CSNK1D: variants seen among roughly 807,000 people sequenced by gnomAD.
CSNK1D encodes the protein casein kinase 1 delta, also known as casein kinase I isoform delta.
A neutral mutation model predicts 46.6 loss-of-function variants in CSNK1D; 16 were observed. That is an observed-to-expected ratio of 0.34 (90% CI 0.23 to 0.52). The LOEUF (loss-of-function observed/expected upper bound fraction) is 0.52, where lower values mean the gene tolerates loss of function less well. Among genes scored for constraint, CSNK1D ranks in the 20% least tolerant of loss-of-function variants. CSNK1D has a pLI of 0.95. For missense variants in CSNK1D, 398 were observed against 578.4 expected (o/e 0.69, Z 3.20); for synonymous variants, 276 against 228.2 (o/e 1.21, Z -1.89).
intron 1 of CSNK1D, among the ~76,000 whole-genome samples, chr17:82,269,306 C>T (rs190083780): frequency 3.9e-5 from 6 of 152,224 alleles, no homozygotes; most frequent in Non-Finnish European, 7.4e-5. Flanking sequence ...AGCAGTACCA[C>T]GACTTCTCAT....
chr17:82,246,180 G>A (rs1599575442), intron 8 of CSNK1D: 1 of 1,538,672 alleles, frequency 6.5e-7, no homozygotes, highest in South Asian at 1.2e-5. Context: ...CCCAGGCACA[G>A]AGCACAGCCT....
At chr17:82,265,874 C>G in intron 1 of CSNK1D, 78 bp from the exon 2 acceptor site, 1 of 1,189,378 alleles carries the variant, frequency 8.4e-7, no homozygotes, top group Non-Finnish European at 1.3e-6. Flanking sequence ...AAACAACAAG[C>G]ACTATGTGTT....
chr17:82,240,058 C>A (rs868582083), downstream of CSNK1D: 1 of 1,233,822 alleles, frequency 8.1e-7, no homozygotes, highest in African/African-American at 1.5e-5. Context: ...CATGTCCCTG[C>A]TCCTCTGCAA....
chr17:82,258,348 A>G (rs558091371), intron 2 of CSNK1D, among the ~76,000 whole-genome samples: 28 of 150,932 alleles, frequency 1.9e-4, no homozygotes, highest in Non-Finnish European at 3.7e-4. Flanking sequence ...ATATATATAT[A>G]TTATATATAT....
In CSNK1D at chr17:82,248,115, C is replaced by T. The variant is rs2050897603; in HGVS notation, c.1197+760G>A. Reference sequence around the variant, plus strand: ...AAGACCCGTGGGGGATCTGGGCACCCCCCAGGATGCCTGCTGGTGAAACAG... The same window carrying T: ...AAGACCCGTGGGGGATCTGGGCACCTCCCAGGATGCCTGCTGGTGAAACAG... On this transcript the variant is annotated intron_variant, in intron 8 of 8. Coordinates refer to ENST00000314028, the MANE Select transcript of CSNK1D (RefSeq NM_001893.6). The surrounding 1 kb of genome is among the most constrained non-coding windows in gnomAD (Gnocchi z 4.1). 1 of 985,522 alleles carries T rather than the reference C, an allele frequency of 1.0e-6. No individual in the cohort carries two copies. Among genetic ancestry groups the T allele is most frequent in the Non-Finnish European group, 1.2e-6 (1 of 829,990 alleles). 61.0% of individuals were successfully genotyped at this position (985,522 alleles called of 1,614,324 possible). A position where few individuals can be genotyped will look rare whatever the true frequency, so the allele number is the denominator to read the frequency against.
At chr17:82,241,308 C>T (rs187129630), downstream of CSNK1D, among the ~76,000 whole-genome samples, 181 of 152,324 alleles carry the variant, frequency 1.2e-3, no homozygotes, top group African/African-American at 4.1e-3. Flanking sequence ...TGGCCCCGGA[C>T]GCTGCCGTCC....
chr17:82,258,558 A>C (rs2051244236), intron 2 of CSNK1D, among the ~76,000 whole-genome samples: 1 of 152,164 alleles, frequency 6.6e-6, no homozygotes, highest in Admixed American at 6.5e-5. Context: ...CTCTAGATGC[A>C]GCATTACGGA....
chr17:82,270,041 G>C (rs150624554), intron 1 of CSNK1D, among the ~76,000 whole-genome samples: 1 of 152,230 alleles, frequency 6.6e-6, no homozygotes, highest in African/African-American at 2.4e-5. Flanking sequence ...CAAGGTGTGC[G>C]CTCCACAGGT....
In CSNK1D at chr17:82,242,778, G is replaced by C. The variant is rs2050760311; in HGVS notation, c.*2003C>G. On this transcript the variant is annotated 3_prime_UTR_variant, in exon 9 of 9. Coordinates refer to ENST00000314028, the MANE Select transcript of CSNK1D (RefSeq NM_001893.6). ...CTGGCCGTCAGTGCACAGCTGACAC[G>C]ACGTCCTACCTACGTCTCCTGCACG... 52 of 985,458 alleles carry C rather than the reference G, an allele frequency of 5.3e-5. No homozygotes were observed. The highest frequency in any genetic ancestry group is 6.3e-5 in the Non-Finnish European group (52 of 829,948). The allele number at this position is 985,458 out of a possible 1,614,324, so 61.0% of individuals were successfully genotyped here. A position where few individuals can be genotyped will look rare whatever the true frequency, so the allele number is the denominator to read the frequency against.
At chr17:82,240,065 G>A (rs1012691613), downstream of CSNK1D, 20 of 1,233,648 alleles carry the variant, frequency 1.6e-5, no homozygotes, top group Non-Finnish European at 2.0e-5. Context: ...CTGCTCCTCT[G>A]CAATGAAAAG....
chr17:82,241,775 G>A (rs549347674), downstream of CSNK1D, among the ~76,000 whole-genome samples: 1 of 152,258 alleles, frequency 6.6e-6, no homozygotes, highest in African/African-American at 2.4e-5. Context: ...GAATGGCTGA[G>A]AGGAAGGGCC....
chr17:82,273,742 C>T, upstream of CSNK1D: 1 of 486,308 alleles, frequency 2.1e-6, no homozygotes, highest in Non-Finnish European at 3.6e-6. The surrounding 1 kb of genome is among the most constrained non-coding windows in gnomAD (Gnocchi z 5.1). Flanking sequence ...GGGGCCGCGG[C>T]GCTCCAGGGG....
intron 8 of CSNK1D, chr17:82,245,725 G>A: frequency 1.9e-6 from 1 of 524,780 alleles, no homozygotes; most frequent in Non-Finnish European, 3.5e-6. Flanking sequence ...TCACGGGGAG[G>A]CCACAGGCCA....
At chr17:82,264,355 G>T (rs73999829) in intron 2 of CSNK1D, among the ~76,000 whole-genome samples, 3 of 152,208 alleles carry the variant, frequency 2.0e-5, no homozygotes, top group Non-Finnish European at 4.4e-5. Flanking sequence ...TGAGACACAC[G>T]CTTCATGGCT....
In CSNK1D at chr17:82,249,329, C is replaced by T. The variant is rs2050935875; in HGVS notation, c.1057+102G>A. On this transcript the variant is annotated intron_variant, in intron 7 of 8. Coordinates refer to ENST00000314028, the MANE Select transcript of CSNK1D (RefSeq NM_001893.6). The surrounding 1 kb of genome is among the most constrained non-coding windows in gnomAD (Gnocchi z 6.7). The stretch of plus-strand genomic sequence containing the variant: ...GGAGCGAGCATCGCCTGACACAGGG[C>T]ACTTAGTGTCCACCACCAAGTACCC... The T allele has an allele frequency of 2.5e-6, 3 of 1,215,818 alleles. No homozygotes were observed. The highest frequency in any genetic ancestry group is 3.5e-6 in the Non-Finnish European group (3 of 859,970). The allele number at this position is 1,215,818 out of a possible 1,614,324, so 75.3% of individuals were successfully genotyped here.
chr17:82,259,366 G>C (rs1040258664), intron 2 of CSNK1D, among the ~76,000 whole-genome samples: 3 of 152,168 alleles, frequency 2.0e-5, no homozygotes, highest in African/African-American at 7.2e-5. Flanking sequence ...TCACATGCCA[G>C]TAACAGCAGT....
chr17:82,268,656 C>G (rs548234549), intron 1 of CSNK1D, among the ~76,000 whole-genome samples: 1 of 152,198 alleles, frequency 6.6e-6, no homozygotes, highest in South Asian at 2.1e-4. Context: ...AAAAGACATT[C>G]TGTCAACAAA....
intron 2 of CSNK1D, chr17:82,265,178 A>ATTTT: frequency 5.7e-6 from 1 of 174,586 alleles, no homozygotes; most frequent in South Asian, 9.8e-5. Context: ...ATGGTATAAG[A>ATTTT]TTTTTTTTTT....
intron 2 of CSNK1D, among the ~76,000 whole-genome samples, chr17:82,263,443 C>T (rs1196232034): frequency 6.6e-6 from 1 of 152,234 alleles, no homozygotes; most frequent in African/African-American, 2.4e-5. Flanking sequence ...GGGGAAGCAA[C>T]TTTGCCTGCC....
Sources: gnomAD v4.1 joint callset for allele counts (sites outside exome capture counted in the v4.1 genomes callset) on GRCh38, gnomAD v4.1.1 for gene constraint, Gnocchi (gnomAD v3.1) non-coding constraint, MANE v1.5 for transcripts, NCBI Gene and HGNC (gene_info 2026-07-23, HGNC 2026-07-21) for gene names.